The following RBBP8 variants were observed in gnomAD, a reference collection of about 807,000 sequenced individuals.
RBBP8 encodes the protein DNA endonuclease RBBP8.
RBBP8 carries 88 observed loss-of-function variants against 108.3 expected under a neutral mutation model. That is an observed-to-expected ratio of 0.81 (90% CI 0.68 to 0.97). The LOEUF is 0.97. Among genes scored for constraint, RBBP8 ranks in the 50% least tolerant of loss-of-function variants. RBBP8 has a pLI of 0.00. For synonymous variants in RBBP8, 332 were observed against 348.2 expected (o/e 0.95, Z 0.52); for missense variants, 1,023 against 1,049.0 (o/e 0.98, Z 0.34).
chr18:23,013,251 C>T (rs2046199501), intron 16 of RBBP8, among the ~76,000 whole-genome samples: 1 of 151,990 alleles, frequency 6.6e-6, no homozygotes, highest in African/African-American at 2.4e-5. Context: ...ATCACCTTCC[C>T]CTAAAATGTG....
At chr18:23,002,975 C>T (rs1424042792) in intron 15 of RBBP8, among the ~76,000 whole-genome samples, 2 of 152,304 alleles carry the variant, frequency 1.3e-5, no homozygotes, top group East Asian at 1.9e-4. Flanking sequence ...GACTATTTTT[C>T]GCAAAGGTGT....
At chr18:22,920,996 A>G (rs1909573349) in intron 3 of RBBP8, 1 of 152,244 alleles carries the variant, frequency 6.6e-6, no homozygotes, top group Non-Finnish European at 1.5e-5. Flanking sequence ...ACAAATGACT[A>G]ATACAATTAA....
intron 3 of RBBP8, among the ~76,000 whole-genome samples, chr18:22,921,742 A>T (rs1282566596): frequency 2.0e-5 from 3 of 152,216 alleles, no homozygotes; most frequent in African/African-American, 7.2e-5. Context: ...CTGAAACTTG[A>T]TCTTCTGTGA....
chr18:23,003,821 G>T (rs2045987928), intron 15 of RBBP8, among the ~76,000 whole-genome samples: 1 of 152,024 alleles, frequency 6.6e-6, no homozygotes, highest in African/African-American at 2.4e-5. Context: ...AACTAAAAAT[G>T]GCCAAGGCGG....
chr18:22,996,071 A>G (rs891055610), intron 12 of RBBP8, among the ~76,000 whole-genome samples: 2 of 152,204 alleles, frequency 1.3e-5, no homozygotes, highest in South Asian at 4.1e-4. Flanking sequence ...GATTTTTGCC[A>G]TCTCGTGGTT....
intron 13 of RBBP8, among the ~76,000 whole-genome samples, chr18:22,997,362 T>C (rs947378707): frequency 1.3e-5 from 2 of 152,186 alleles, no homozygotes; most frequent in African/African-American, 2.4e-5. Context: ...CAGGGGTGTT[T>C]AGTGGTAAAT....
chr18:22,915,496 G>A (rs1268688788), intron 2 of RBBP8: 3 of 152,092 alleles, frequency 2.0e-5, no homozygotes, highest in Admixed American at 6.5e-5. Context: ...GTAAACTGCT[G>A]AAAAGCTATG....
chr18:22,929,422 CA>C (rs1909910652), upstream of RBBP8: 3 of 148,716 alleles, frequency 2.0e-5, no homozygotes, highest in Non-Finnish European at 4.4e-5. Context: ...TAGCTTGAAC[CA>C]GGGTGGACAC....
intron 15 of RBBP8, among the ~76,000 whole-genome samples, chr18:23,002,342 G>A (rs374952537): frequency 2.7e-4 from 41 of 152,240 alleles, no homozygotes; most frequent in Middle Eastern, 3.4e-3. Context: ...CCAGGAGGTC[G>A]TGGCTGCATC....
chr18:22,986,110 T>TC (rs199765436), intron 8 of RBBP8, among the ~76,000 whole-genome samples: 3,748 of 151,220 alleles, frequency 0.025, 154 homozygotes, highest in African/African-American at 0.086. Context: ...TTTTTTTTGC[T>TC]CCCCCCTGCC....
At chr18:22,979,297 T>A (rs1240397778) in intron 6 of RBBP8, among the ~76,000 whole-genome samples, 1 of 152,046 alleles carries the variant, frequency 6.6e-6, no homozygotes, top group African/African-American at 2.4e-5. Flanking sequence ...AATAATTTTA[T>A]GTTTATTTTA....
At position 23,017,611 on chromosome 18, in the gene RBBP8, A is replaced by G. The variant is rs533087055; in HGVS notation, c.2454+687A>G. Among the ~76,000 whole-genome samples, 620 of 149,824 alleles carry G rather than the reference A, an allele frequency of 4.1e-3. 4 individuals carry two copies. The highest frequency in any genetic ancestry group is 0.014 in the African/African-American group (589 of 40,734). The stretch of plus-strand genomic sequence containing the variant: ...AGAGCTTGTAGTGAGCCGAGATTGC[A>G]CCACTGCACTCCAGCCTGGGCGAGA... On this transcript the variant is annotated intron_variant, in intron 17 of 18. Transcript: ENST00000327155.
At chr18:22,925,407 G>A (rs893587659) in intron 3 of RBBP8, among the ~76,000 whole-genome samples, 6 of 151,964 alleles carry the variant, frequency 3.9e-5, no homozygotes, top group African/African-American at 1.5e-4. Context: ...AACTATCAAA[G>A]CTTCCTTAAA....
intron 2 of RBBP8, among the ~76,000 whole-genome samples, chr18:22,945,448 C>T (rs760714842): frequency 6.6e-6 from 1 of 151,868 alleles, no homozygotes; most frequent in African/African-American, 2.4e-5. Flanking sequence ...AGTGCAATGG[C>T]GGGATCTCAG....
At chr18:22,951,091 A>G (rs1911996077) in intron 4 of RBBP8, among the ~76,000 whole-genome samples, 1 of 152,252 alleles carries the variant, frequency 6.6e-6, no homozygotes, top group Non-Finnish European at 1.5e-5. Flanking sequence ...GTATTGTGGA[A>G]TAAAGACCTG....
In RBBP8 at chr18:22,993,398, C is replaced by T; in HGVS notation, c.1571C>T (p.Ala524Val). The change falls in exon 11 of 19, where the codon GCT becomes GTT. Residue 524 changes from alanine to valine, a missense_variant. Ala to Val is a moderately conservative substitution (Grantham distance 64). Transcript: ENST00000327155. ...TTTAGGCAAGTGACTCTTTATGAGGCTTTGAAGACCATTCCAAAGGGCTTT... is the reference window on the plus strand; with the variant it reads ...TTTAGGCAAGTGACTCTTTATGAGGTTTTGAAGACCATTCCAAAGGGCTTT... ...NKFRQVTLYE[A>V]LKTIPKGFSS... The T allele has an allele frequency of 6.2e-7, 1 of 1,614,194 alleles. No individual in the cohort carries two copies. The highest frequency in any genetic ancestry group is 8.5e-7 in the Non-Finnish European group (1 of 1,180,032).
intron 16 of RBBP8, among the ~76,000 whole-genome samples, chr18:23,012,830 G>A (rs1049369262): frequency 2.6e-5 from 4 of 152,208 alleles, no homozygotes; most frequent in Non-Finnish European, 5.9e-5. Flanking sequence ...TTGATAACTA[G>A]AGAGGAGAAA....
intron 8 of RBBP8, chr18:22,985,232 C>T (rs920523355): frequency 5.0e-6 from 1 of 198,136 alleles, no homozygotes; most frequent in African/African-American, 2.4e-5. Flanking sequence ...CTGTGATTTA[C>T]TTATTTGTTC....
intron 5 of RBBP8, among the ~76,000 whole-genome samples, chr18:22,971,804 C>A (rs1387920908): frequency 6.6e-6 from 1 of 151,540 alleles, no homozygotes. Context: ...CACCACCACG[C>A]CCAGCTAATT....
Sources: allele counts gnomAD v4.1 joint callset (sites outside exome capture counted in the v4.1 genomes callset), GRCh38; gene constraint gnomAD v4.1.1; transcripts MANE v1.5; gene names NCBI Gene and HGNC (gene_info 2026-07-23, HGNC 2026-07-21).